MALRD1: variants seen among roughly 807,000 people sequenced by gnomAD.
The protein encoded by MALRD1 is MAM and LDL receptor class A domain containing 1, also known as MAM and LDL-receptor class A domain-containing protein 1.
In MALRD1, 247 loss-of-function variants were observed where a neutral mutation model predicts 242.1. That is an observed-to-expected ratio of 1.02 (90% CI 0.92 to 1.13). The LOEUF (loss-of-function observed/expected upper bound fraction) is 1.13. MALRD1 is among the 50% of genes most tolerant of loss of function. The pLI, the probability that MALRD1 is intolerant of heterozygous loss-of-function variation, is 0.00. For synonymous variants in MALRD1, 995 were observed against 866.6 expected (o/e 1.15, Z -2.60); for missense variants, 2,989 against 2,533.1 (o/e 1.18, Z -3.86).
At chr10:19,161,828 G>T (rs1834433583) in intron 12 of MALRD1, among the ~76,000 whole-genome samples, 1 of 152,142 alleles carries the variant, frequency 6.6e-6, no homozygotes, top group South Asian at 2.1e-4. Context: ...AGGAGATCGA[G>T]ATCATCCTGG....
chr10:19,593,229 T>G (rs1025466156), intron 33 of MALRD1, among the ~76,000 whole-genome samples: 3 of 152,200 alleles, frequency 2.0e-5, no homozygotes, highest in Admixed American at 1.3e-4. Flanking sequence ...GATTAAAACA[T>G]GATAGCGATG....
chr10:19,727,153 T>C (rs566233350), intron 38 of MALRD1, among the ~76,000 whole-genome samples: 1 of 152,302 alleles, frequency 6.6e-6, no homozygotes, highest in African/African-American at 2.4e-5. Context: ...CTGAAAACCA[T>C]TGAATTGTGT....
At chr10:19,563,993 G>T (rs1836140553) in intron 32 of MALRD1, among the ~76,000 whole-genome samples, 1 of 152,170 alleles carries the variant, frequency 6.6e-6, no homozygotes, top group Non-Finnish European at 1.5e-5. Context: ...CCTGCTCCCA[G>T]TTGGCCTTCT....
intron 21 of MALRD1, among the ~76,000 whole-genome samples, chr10:19,320,724 C>T (rs954883120): frequency 1.2e-4 from 19 of 152,130 alleles, no homozygotes; most frequent in African/African-American, 4.6e-4. Flanking sequence ...TCTCCACATC[C>T]TCTCCAGCAT....
rs148699671 is a variant in MALRD1, at chr10:19,097,004, A to G, written c.598-6975A>G. 1.4e-3 allele frequency among the ~76,000 whole-genome samples: 209 copies of G among 152,318 alleles called. 5 individuals carry two copies. Among genetic ancestry groups the G allele is most frequent in the Admixed American group, 9.8e-3 (150 of 15,302 alleles). On this transcript the variant is annotated intron_variant, in intron 4 of 39. Coordinates refer to ENST00000454679, the MANE Select transcript of MALRD1 (RefSeq NM_001142308.3). Reference sequence around the variant, plus strand: ...CATACACAAGGATTGCTATTTATCTACTTAGCAAAGACGGAAGCATTTCAG... The same window carrying G: ...CATACACAAGGATTGCTATTTATCTGCTTAGCAAAGACGGAAGCATTTCAG...
intron 4 of MALRD1, among the ~76,000 whole-genome samples, chr10:19,099,981 G>A (rs1398840026): frequency 4.6e-5 from 7 of 151,940 alleles, no homozygotes; most frequent in African/African-American, 1.5e-4. Context: ...GGTTAGTCTC[G>A]AACTCCTGAC....
intron 36 of MALRD1, among the ~76,000 whole-genome samples, chr10:19,630,385 C>T (rs892522367): frequency 1.3e-5 from 2 of 152,056 alleles, no homozygotes; most frequent in African/African-American, 4.8e-5. Flanking sequence ...TTAGTGCTAC[C>T]ACCATCTAAC....
In MALRD1 at chr10:19,269,502, G is replaced by T. The variant is rs187188260; in HGVS notation, c.3080-10545G>T. 4.1e-4 allele frequency among the ~76,000 whole-genome samples: 62 copies of T among 152,358 alleles called. No individual in the cohort carries two copies. In the East Asian group the frequency reaches 0.012, roughly 28 times the overall value. ...CCTTAGAGGAAAGTCTAAACAATGT[G>T]TGAGGACCAGAGAGTCCGTCAGGAA... On this transcript the variant is annotated intron_variant, in intron 19 of 39. Transcript: ENST00000454679.
At chr10:19,565,065 C>T (rs1028023530) in intron 32 of MALRD1, among the ~76,000 whole-genome samples, 1 of 151,996 alleles carries the variant, frequency 6.6e-6, no homozygotes, top group Non-Finnish European at 1.5e-5. Flanking sequence ...ATGAAATAAC[C>T]TACAAACTGG....
At chr10:19,367,225 T>A in intron 26 of MALRD1, among the ~76,000 whole-genome samples, 1 of 152,112 alleles carries the variant, frequency 6.6e-6, no homozygotes, top group Non-Finnish European at 1.5e-5. Flanking sequence ...TCTCTCTAGC[T>A]GTAATTTTAT....
chr10:19,659,436 T>C (rs1232076475), intron 36 of MALRD1, among the ~76,000 whole-genome samples: 1 of 152,170 alleles, frequency 6.6e-6, no homozygotes, highest in Non-Finnish European at 1.5e-5. Flanking sequence ...ATTCTTAAGT[T>C]ACTCCTCATC....
chr10:19,272,817 T>C (rs1377446960), intron 19 of MALRD1, among the ~76,000 whole-genome samples: 2 of 152,182 alleles, frequency 1.3e-5, no homozygotes, highest in Admixed American at 1.3e-4. Flanking sequence ...TTGCTGAGAA[T>C]GATGGTTTCC....
chr10:19,244,058 T>G (rs1273990060), intron 18 of MALRD1, among the ~76,000 whole-genome samples: 3 of 152,186 alleles, frequency 2.0e-5, no homozygotes, highest in African/African-American at 7.2e-5. Context: ...CAATATGATA[T>G]GACTTTTCAT....
At chr10:19,100,016 C>A (rs1588542213) in intron 4 of MALRD1, among the ~76,000 whole-genome samples, 1 of 152,104 alleles carries the variant, frequency 6.6e-6, no homozygotes, top group East Asian at 1.9e-4. Flanking sequence ...CTGCCTTGGC[C>A]TCCCAAAGTA....
intron 28 of MALRD1, among the ~76,000 whole-genome samples, chr10:19,408,337 G>A (rs1384758227): frequency 6.6e-6 from 1 of 152,112 alleles, no homozygotes. Flanking sequence ...CTGGCTTGTT[G>A]GAAAATTGGG....
chr10:19,144,362 T>TG (rs1329547563), intron 10 of MALRD1, among the ~76,000 whole-genome samples: 1 of 152,222 alleles, frequency 6.6e-6, no homozygotes, highest in Non-Finnish European at 1.5e-5. Context: ...GAAGACCCAC[T>TG]GTCTATTCTA....
At chr10:19,362,864 A>G (rs1213829875) in intron 26 of MALRD1, among the ~76,000 whole-genome samples, 1 of 152,128 alleles carries the variant, frequency 6.6e-6, no homozygotes, top group African/African-American at 2.4e-5. Context: ...ATAGACTAGT[A>G]TGGTGGCAAA....
At chr10:19,387,425 T>C in intron 26 of MALRD1, 103 bp from the exon 27 acceptor site, 5 of 1,355,014 alleles carry the variant, frequency 3.7e-6, no homozygotes, top group Middle Eastern at 2.0e-4. Flanking sequence ...AAGAACAATA[T>C]GTTCCTTTAT....
chr10:19,119,265 G>A (rs1023235807), intron 5 of MALRD1, among the ~76,000 whole-genome samples: 1 of 152,094 alleles, frequency 6.6e-6, no homozygotes, highest in Non-Finnish European at 1.5e-5. Flanking sequence ...AAAATCAGAG[G>A]TTTATTGAGG....
Sources: allele counts gnomAD v4.1 joint callset (sites outside exome capture counted in the v4.1 genomes callset), GRCh38; gene constraint gnomAD v4.1.1; transcripts MANE v1.5; gene names NCBI Gene and HGNC (gene_info 2026-07-23, HGNC 2026-07-21).